Variants in LHFPL3 observed in about 807,000 individuals in gnomAD.
The protein encoded by LHFPL3 is LHFPL tetraspan subfamily member 3, also known as LHFPL tetraspan subfamily member 3 protein.
A neutral mutation model predicts 19.3 loss-of-function variants in LHFPL3; 5 were observed. The ratio of observed to expected loss-of-function variants is 0.26; its 90% CI spans 0.14 to 0.54. The LOEUF is 0.54. Among genes scored for constraint, LHFPL3 ranks in the 20% least tolerant of loss-of-function variants. LHFPL3 has a pLI of 0.94. For synonymous variants in LHFPL3, 133 were observed against 126.2 expected, an observed-to-expected ratio of 1.05 and a Z score of -0.36; for missense variants, 249 against 307.4, an observed-to-expected ratio of 0.81 and a Z score of 1.42.
intron 2 of LHFPL3, among the ~76,000 whole-genome samples, chr7:104,806,070 T>C (rs1790356647): frequency 6.6e-6 from 1 of 152,232 alleles, no homozygotes; most frequent in African/African-American, 2.4e-5. Context: ...CGACTGACAA[T>C]GCAGGAACTA....
Position 104,474,933 on chromosome 7 carries a change from G to A in LHFPL3, c.445+145709G>A, listed in dbSNP as rs1292287003. On this transcript the variant is annotated intron_variant, in intron 1 of 2. Transcript: ENST00000424859. ...AGCATGTAAAACTAGTGTACAGAATGGCTGAAGCACTGGGTATGGTGAAAG... is the reference window on the plus strand; with the variant it reads ...AGCATGTAAAACTAGTGTACAGAATAGCTGAAGCACTGGGTATGGTGAAAG... Among the ~76,000 whole-genome samples the A allele has an allele frequency of 5.9e-5, 9 of 152,138 alleles. No individual in the cohort carries two copies. In the East Asian group the frequency reaches 1.7e-3, roughly 29 times the overall value.
At chr7:104,567,637 C>T (rs1584407527) in intron 1 of LHFPL3, among the ~76,000 whole-genome samples, 1 of 152,128 alleles carries the variant, frequency 6.6e-6, no homozygotes, top group African/African-American at 2.4e-5. Flanking sequence ...AGAAAACTGT[C>T]GTGTCAGAGA....
chr7:104,402,503 G>A (rs1179605091), intron 1 of LHFPL3, among the ~76,000 whole-genome samples: 1 of 152,214 alleles, frequency 6.6e-6, no homozygotes, highest in Non-Finnish European at 1.5e-5. Context: ...GAATAGCCAT[G>A]TTCTATTGTG....
At chr7:104,619,806 G>A (rs1791411505) in intron 1 of LHFPL3, among the ~76,000 whole-genome samples, 1 of 152,132 alleles carries the variant, frequency 6.6e-6, no homozygotes, top group African/African-American at 2.4e-5. Context: ...TTTGGCACCA[G>A]GGACTGGTTT....
chr7:104,808,610 G>A (rs1004681121), intron 2 of LHFPL3, among the ~76,000 whole-genome samples: 2 of 152,194 alleles, frequency 1.3e-5, no homozygotes, highest in East Asian at 3.8e-4. Flanking sequence ...CAAGGCAAAA[G>A]GTCTGGGTGG....
intron 1 of LHFPL3, among the ~76,000 whole-genome samples, chr7:104,520,703 T>C (rs7789855): frequency 0.47 from 54,708 of 117,340 alleles, 13,663 homozygotes; most frequent in Middle Eastern, 0.6. Context: ...GGAATTTATC[T>C]ATTTCTTCTA....
intron 1 of LHFPL3, chr7:104,668,637 C>A (rs1052542149): frequency 3.7e-6 from 6 of 1,611,776 alleles, no homozygotes; most frequent in African/African-American, 2.7e-5. Context: ...CTATGAAGAC[C>A]AATATGACAG....
chr7:104,659,196 G>T (rs1351664508), intron 1 of LHFPL3, among the ~76,000 whole-genome samples: 1 of 152,218 alleles, frequency 6.6e-6, no homozygotes, highest in Non-Finnish European at 1.5e-5. Context: ...TGCTGTCCTT[G>T]CTCAAGTTGC....
At chr7:104,358,970 A>G (rs764233465) in intron 1 of LHFPL3, among the ~76,000 whole-genome samples, 9 of 152,224 alleles carry the variant, frequency 5.9e-5, no homozygotes, top group Non-Finnish European at 1.2e-4. Flanking sequence ...ACTGACAGAC[A>G]TAGATGAATT....
intron 2 of LHFPL3, among the ~76,000 whole-genome samples, chr7:104,826,076 T>C (rs988910252): frequency 1.3e-5 from 2 of 151,906 alleles, no homozygotes; most frequent in African/African-American, 4.9e-5. Context: ...ACCTAGCAAA[T>C]AGAAGGTACT....
At chr7:104,725,388 A>T (rs1258684237) in intron 1 of LHFPL3, among the ~76,000 whole-genome samples, 1 of 152,204 alleles carries the variant, frequency 6.6e-6, no homozygotes, top group Non-Finnish European at 1.5e-5. Context: ...TTTAGCTGCA[A>T]CTGTAATGTA....
chr7:104,379,036 C>A (rs960116308), intron 1 of LHFPL3, among the ~76,000 whole-genome samples: 3 of 152,282 alleles, frequency 2.0e-5, no homozygotes, highest in African/African-American at 2.4e-5. Context: ...GCATTGCTCC[C>A]AAATTCTGAA....
intron 1 of LHFPL3, among the ~76,000 whole-genome samples, chr7:104,569,790 T>G (rs2071722395): frequency 6.6e-6 from 1 of 152,150 alleles, no homozygotes; most frequent in South Asian, 2.1e-4. Flanking sequence ...TGGGACTTAG[T>G]AATGCTGAGT....
At chr7:104,503,676 C>T (rs1472152215) in intron 1 of LHFPL3, among the ~76,000 whole-genome samples, 1 of 151,940 alleles carries the variant, frequency 6.6e-6, no homozygotes, top group Non-Finnish European at 1.5e-5. Context: ...TTCAAGTGAT[C>T]CTCCCACCTC....
chr7:104,400,911 G>A (rs1303502189), intron 1 of LHFPL3, among the ~76,000 whole-genome samples: 1 of 152,196 alleles, frequency 6.6e-6, no homozygotes. Flanking sequence ...TACAGGTTTA[G>A]TGAACTCTCA....
At chr7:104,608,501 TG>T (rs1562948923) in intron 1 of LHFPL3, among the ~76,000 whole-genome samples, 1 of 33,592 alleles carries the variant, frequency 3.0e-5, no homozygotes, top group Non-Finnish European at 5.4e-5. Flanking sequence ...TGTTGTGGGG[TG>T]GGGGGAGGGG....
chr7:104,517,813 C>T (rs779465109), intron 1 of LHFPL3, among the ~76,000 whole-genome samples: 2 of 151,964 alleles, frequency 1.3e-5, no homozygotes, highest in Non-Finnish European at 2.9e-5. Flanking sequence ...CGGACAATTG[C>T]ATTATTATAA....
chr7:104,690,170 C>G (rs182886392), intron 1 of LHFPL3, among the ~76,000 whole-genome samples: 1 of 152,384 alleles, frequency 6.6e-6, no homozygotes, highest in East Asian at 1.9e-4. Context: ...TCTTGGAGAA[C>G]GACAGTGGGT....
rs145696619 is a variant in LHFPL3 at position 104,831,436 on chromosome 7, G to A, written c.683-74751G>A. Among the ~76,000 whole-genome samples the A allele has an allele frequency of 2.4e-4, 36 of 151,982 alleles. No homozygotes were observed. The East Asian group carries it at 4.8e-3, about 20-fold the overall frequency. The stretch of plus-strand genomic sequence containing the variant: ...TAAAAAGTTTAAAAGACCAAGCAAC[G>A]AACAACATTTACAGCCTGGAACTAT... On this transcript the variant is annotated intron_variant, in intron 2 of 2. Coordinates refer to ENST00000424859, the MANE Select transcript of LHFPL3 (RefSeq NM_199000.3).
Sources: gnomAD v4.1 joint callset for allele counts (sites outside exome capture counted in the v4.1 genomes callset) on GRCh38, gnomAD v4.1.1 for gene constraint, MANE v1.5 for transcripts, NCBI Gene and HGNC (gene_info 2026-07-23, HGNC 2026-07-21) for gene names.